DHX30: variants seen among roughly 807,000 people sequenced by gnomAD.
DHX30 encodes the protein DExH-box helicase 30, also known as ATP-dependent RNA helicase DHX30.
A neutral mutation model predicts 116.9 loss-of-function variants in DHX30; 4 were observed. The observed-to-expected ratio is 0.03, with a 90% CI of 0.02 to 0.08. The LOEUF is 0.08. DHX30 is among the 10% of genes least tolerant of loss of function. The pLI is 1.00. For synonymous variants in DHX30, 697 were observed against 651.7 expected (o/e 1.07, Z -1.06); for missense variants, 871 against 1,595.1 (o/e 0.55, Z 7.73).
chr3:47,844,052 T>C (rs1002212686), intron 9 of DHX30, among the ~76,000 whole-genome samples: 1 of 152,080 alleles, frequency 6.6e-6, no homozygotes, highest in Non-Finnish European at 1.5e-5. Context: ...GGCACAGTAG[T>C]GGGAGGGAGT....
Position 47,849,750 on chromosome 3 carries a change from C to T in DHX30, c.3312C>T (p.Asp1104=), listed in dbSNP as rs112195130. Residue 1104 remains aspartate (D), a synonymous_variant, in exon 21 of 22, where the codon GAC becomes GAT. Transcript: ENST00000445061. ...VHPLAVLLLT[D]GDVHIRDDGR... ...CGCTAGCTGTGCTGCTGCTGACCGA[C>T]GGGGACGTGCACATCCGTGGTGGGT... 84 of 1,613,362 alleles carry T rather than the reference C, an allele frequency of 5.2e-5. No homozygotes were observed. The highest frequency in any genetic ancestry group is 8.3e-5 in the Admixed American group (5 of 59,972).
chr3:47,823,886 A>G (rs1191762406), intron 4 of DHX30, among the ~76,000 whole-genome samples: 1 of 151,498 alleles, frequency 6.6e-6, no homozygotes, highest in Non-Finnish European at 1.5e-5. Context: ...AAAGAGTGCT[A>G]TCCTGAGGGC....
rs1441091270 is a variant in DHX30, at chr3:47,848,333, A to T, written c.2440A>T (p.Thr814Ser). Residue 814 changes from threonine (T) to serine (S), a missense_variant, in exon 15 of 22, where the codon ACA (threonine) becomes TCA (serine). Physicochemically the swap from Thr to Ser is moderately conservative, Grantham distance 58 (BLOSUM62 1). Coordinates refer to ENST00000445061, the MANE Select transcript of DHX30 (RefSeq NM_138615.3). This position sits in a 1 kb window ranked among gnomAD's most constrained non-coding sequence, Gnocchi z 9.4. ...VPFQVPEILR[T>S]PLENLVLQAK... ...TTTCCAAGTGCCAGAGATCCTGCGC[A>T]CACCTCTTGAGAACCTGGTGCTGCA... 1 of 1,613,930 alleles carries T rather than the reference A, an allele frequency of 6.2e-7. No homozygotes were observed.
At chr3:47,840,488 T>A (rs1263663984) in intron 6 of DHX30, among the ~76,000 whole-genome samples, 1 of 151,624 alleles carries the variant, frequency 6.6e-6, no homozygotes, top group Non-Finnish European at 1.5e-5. Flanking sequence ...CTACAAAAAT[T>A]CGCTGGGCGT....
chr3:47,836,580 G>A (rs532228710), intron 6 of DHX30, among the ~76,000 whole-genome samples: 2 of 151,308 alleles, frequency 1.3e-5, no homozygotes, highest in East Asian at 2.0e-4. Context: ...GTGCAGTGGC[G>A]CAATCTCGGC....
At chr3:47,828,049 C>T (rs560070353) in intron 5 of DHX30, among the ~76,000 whole-genome samples, 5 of 151,726 alleles carry the variant, frequency 3.3e-5, no homozygotes, top group African/African-American at 9.7e-5. Context: ...TTGTAGAGAC[C>T]GGTTCTTGCT....
Position 47,849,177 on chromosome 3 carries a change from A to G in DHX30, c.2930-15A>G, listed in dbSNP as rs750469635. 1 of 1,613,602 alleles carries G rather than the reference A, an allele frequency of 6.2e-7. No individual in the cohort carries two copies. Among genetic ancestry groups the G allele is most frequent in the Non-Finnish European group, 8.5e-7 (1 of 1,179,806 alleles). The stretch of plus-strand genomic sequence containing the variant: ...GCTAGGGGCTGTAGGTCCACCACAC[A>G]TTCTGTCTCCCTAGGACTCATCAAG... On this transcript the variant is annotated splice_polypyrimidine_tract_variant and intron_variant, in intron 18 of 21. Coordinates refer to ENST00000445061, the MANE Select transcript of DHX30 (RefSeq NM_138615.3).
chr3:47,846,972 C>A lies in DHX30; in HGVS notation c.1900C>A (p.Gln634Lys). The A allele has an allele frequency of 6.2e-7, 1 of 1,613,064 alleles. No homozygotes were observed. The highest frequency in any genetic ancestry group is 8.5e-7 in the Non-Finnish European group (1 of 1,179,788). The change falls in exon 11 of 22, where the codon CAG becomes AAG. Residue 634 changes from glutamine to lysine, a missense_variant. By Grantham distance (53) the Gln-to-Lys change is moderately conservative. This residue lies in a region of DHX30 where 61 missense variants were observed against 106.7 expected (regional missense o/e 0.57). Coordinates refer to ENST00000445061, the MANE Select transcript of DHX30 (RefSeq NM_138615.3). ...EDILAKLGKH[Q>K]YLHRHRHHES... The stretch of plus-strand genomic sequence containing the variant: ...CATCCTGGCCAAGTTGGGCAAGCAC[C>A]AGTACCTGCACCGGCACCGGCACCA...
intron 3 of DHX30, chr3:47,815,939 CTT>C (rs200901757): frequency 4.5e-3 from 3,710 of 822,928 alleles, no homozygotes; most frequent in East Asian, 8.1e-3. Context: ...ATCATTTATT[CTT>C]TTTTTTTTTT....
At chr3:47,835,888 G>A (rs2037092242) in intron 6 of DHX30, among the ~76,000 whole-genome samples, 1 of 152,224 alleles carries the variant, frequency 6.6e-6, no homozygotes, top group South Asian at 2.1e-4. Context: ...TGCTGAGAGT[G>A]GCCAGGGGCC....
chr3:47,816,114 C>T, intron 3 of DHX30: 2 of 984,626 alleles, frequency 2.0e-6, no homozygotes, highest in Non-Finnish European at 2.4e-6. Flanking sequence ...ACAAGCACGT[C>T]TGCTGTAACT....
intron 3 of DHX30, chr3:47,817,034 A>G: frequency 1.2e-6 from 1 of 827,298 alleles, no homozygotes; most frequent in Non-Finnish European, 1.5e-6. Context: ...TGTTTTACTG[A>G]TATCTTTCTC....
intron 9 of DHX30, among the ~76,000 whole-genome samples, chr3:47,844,001 C>A (rs2037493082): frequency 6.6e-6 from 1 of 152,236 alleles, no homozygotes; most frequent in Non-Finnish European, 1.5e-5. Flanking sequence ...CGCTCCTGGC[C>A]ATGGCCGTTC....
At position 47,814,777 on chromosome 3, in the gene DHX30, C is replaced by G. The variant is rs1044004174; in HGVS notation, c.29-3245C>G. ...CCTCATGATCCACCCGCCTTGGCCTCCTAAAGTGTTGGGATTACAGGTGTG... is the reference window on the plus strand; with the variant it reads ...CCTCATGATCCACCCGCCTTGGCCTGCTAAAGTGTTGGGATTACAGGTGTG... On this transcript the variant is annotated intron_variant, in intron 3 of 21. Coordinates refer to ENST00000445061, the MANE Select transcript of DHX30 (RefSeq NM_138615.3). Among the ~76,000 whole-genome samples, 6 of 152,170 alleles carry G rather than the reference C, an allele frequency of 3.9e-5. No individual in the cohort carries two copies. In the East Asian group the frequency reaches 1.2e-3, roughly 29 times the overall value.
chr3:47,845,322 G>C (rs1026267511), intron 9 of DHX30, among the ~76,000 whole-genome samples: 3 of 151,962 alleles, frequency 2.0e-5, no homozygotes, highest in African/African-American at 7.3e-5. Context: ...CTAGTAGCTG[G>C]GACTATAGGT....
chr3:47,826,324 A>G (rs2036550320), intron 4 of DHX30, among the ~76,000 whole-genome samples: 1 of 152,188 alleles, frequency 6.6e-6, no homozygotes, highest in Middle Eastern at 3.2e-3. Context: ...GATTAATCCA[A>G]AAAACAAGAA....
chr3:47,817,880 C>T (rs2036129334), intron 3 of DHX30, 142 bp from the exon 4 acceptor site: 3 of 743,956 alleles, frequency 4.0e-6, no homozygotes, highest in Admixed American at 3.7e-5. Context: ...TGCTGTTCCT[C>T]AGAACCTGTG....
intron 4 of DHX30, chr3:47,825,113 C>T (rs1189943685): frequency 4.4e-6 from 3 of 675,044 alleles, no homozygotes. Context: ...GGTCCCCGCG[C>T]TGCTGGGCGA....
Position 47,833,345 on chromosome 3 carries a change from C to T in DHX30, c.366+4211C>T, listed in dbSNP as rs149832430. ...TTTGAGACAAGCCTGGGCAACAGGG[C>T]GAAAAGCCTTTTTTGTATTTTATAA... On this transcript the variant is annotated intron_variant, in intron 6 of 21. Transcript: ENST00000445061. 2.5e-3 allele frequency among the ~76,000 whole-genome samples: 373 copies of T among 151,004 alleles called. 1 individual carries two copies. The highest frequency in any genetic ancestry group is 8.7e-3 in the African/African-American group (356 of 41,126).
Sources: allele counts gnomAD v4.1 joint callset (sites outside exome capture counted in the v4.1 genomes callset), GRCh38; gene constraint gnomAD v4.1.1; regional missense constraint gnomAD v4.1.1; non-coding constraint Gnocchi (gnomAD v3.1); transcripts MANE v1.5; gene names NCBI Gene and HGNC (gene_info 2026-07-23, HGNC 2026-07-21).